STARD13: variants seen among roughly 807,000 people sequenced by gnomAD.
STARD13 encodes the protein stAR-related lipid transfer protein 13.
STARD13 carries 62 observed loss-of-function variants against 106.4 expected under a neutral mutation model. That is an observed-to-expected ratio of 0.58 (90% CI 0.48 to 0.72). The LOEUF (loss-of-function observed/expected upper bound fraction) is 0.72, where lower values mean the gene tolerates loss of function less well. Among genes scored for constraint, STARD13 ranks in the 30% least tolerant of loss-of-function variants. STARD13 has a pLI of 0.00. For synonymous variants in STARD13, 565 were observed against 553.0 expected (o/e 1.02, Z -0.31); for missense variants, 1,387 against 1,424.0 (o/e 0.97, Z 0.42).
At chr13:33,582,329 T>G in the STARD13 span, among the ~76,000 whole-genome samples, 1 of 152,166 alleles carries the variant, frequency 6.6e-6, no homozygotes, top group Non-Finnish European at 1.5e-5. Context: ...CTGACCCCTG[T>G]TCTTACTTTT....
the STARD13 span, among the ~76,000 whole-genome samples, chr13:33,444,359 A>G: frequency 6.6e-6 from 1 of 152,212 alleles, no homozygotes; most frequent in African/African-American, 2.4e-5. Flanking sequence ...TTCTCATGGA[A>G]AAAACATGAC....
the STARD13 span, among the ~76,000 whole-genome samples, chr13:33,460,902 T>C: frequency 4.3e-4 from 66 of 152,350 alleles, no homozygotes; most frequent in African/African-American, 8.7e-4. Flanking sequence ...TACTACTCTG[T>C]AATAAAAAGA....
chr13:33,126,205 G>T lies in STARD13; in HGVS notation c.1958C>A (p.Pro653His). 1 of 1,614,122 alleles carries T rather than the reference G, an allele frequency of 6.2e-7. No homozygotes were observed. Among genetic ancestry groups the T allele is most frequent in the Non-Finnish European group, 8.5e-7 (1 of 1,180,046 alleles). The change falls in exon 7 of 14, where the codon CCC (proline) becomes CAC (histidine). Residue 653 changes from proline (P) to histidine (H), a missense_variant. Transcript: ENST00000336934. ...AAAGACAGCCTTGTCTTTGTAGTCGGGAACTTTCATCCTCTTCATGAACTT... is the reference window on the plus strand; with the variant it reads ...AAAGACAGCCTTGTCTTTGTAGTCGTGAACTTTCATCCTCTTCATGAACTT... ...VPKFMKRMKVPDYKDKAVFGV... is the reference protein window; with the variant it reads ...VPKFMKRMKVHDYKDKAVFGV...
the STARD13 span, among the ~76,000 whole-genome samples, chr13:33,404,914 T>C: frequency 6.6e-6 from 1 of 152,058 alleles, no homozygotes; most frequent in Non-Finnish European, 1.5e-5. Flanking sequence ...GGAGCTGGGA[T>C]TACAGGCATG....
chr13:33,404,233 A>G, the STARD13 span, among the ~76,000 whole-genome samples: 1 of 152,246 alleles, frequency 6.6e-6, no homozygotes, highest in Admixed American at 6.5e-5. Context: ...AAGCAGATTC[A>G]AAGAGGTCAA....
At chr13:33,468,492 T>G in the STARD13 span, among the ~76,000 whole-genome samples, 1 of 152,154 alleles carries the variant, frequency 6.6e-6, no homozygotes, top group African/African-American at 2.4e-5. Context: ...CATGGGTGGA[T>G]GAATGCCATT....
chr13:33,408,725 T>C, the STARD13 span, among the ~76,000 whole-genome samples: 1 of 152,142 alleles, frequency 6.6e-6, no homozygotes, highest in South Asian at 2.1e-4. Flanking sequence ...CCTTGGCTGA[T>C]GTCATCCCAA....
the STARD13 span, among the ~76,000 whole-genome samples, chr13:33,673,841 A>G: frequency 1.3e-5 from 2 of 151,020 alleles, no homozygotes; most frequent in African/African-American, 4.9e-5. Context: ...TAGGCCCAGA[A>G]TTATTAACTC....
At chr13:33,316,697 C>A (rs776923641) in intron 1 of STARD13, among the ~76,000 whole-genome samples, 12 of 152,152 alleles carry the variant, frequency 7.9e-5, no homozygotes, top group Non-Finnish European at 1.3e-4. Flanking sequence ...CAATTATATG[C>A]TTTAATAATA....
At chr13:33,423,176 AG>A in the STARD13 span, among the ~76,000 whole-genome samples, 3 of 152,340 alleles carry the variant, frequency 2.0e-5, no homozygotes, top group African/African-American at 4.8e-5. Context: ...ATGGGAGAAA[AG>A]TTTTGCAATC....
At chr13:33,445,522 G>A in the STARD13 span, among the ~76,000 whole-genome samples, 2 of 151,324 alleles carry the variant, frequency 1.3e-5, no homozygotes, top group Non-Finnish European at 2.9e-5. Flanking sequence ...TTTGTTATAG[G>A]TGAATTATAT....
At chr13:33,496,862 C>T in the STARD13 span, among the ~76,000 whole-genome samples, 1 of 151,994 alleles carries the variant, frequency 6.6e-6, no homozygotes, top group Non-Finnish European at 1.5e-5. Flanking sequence ...TTTTGAAAAT[C>T]TTTATATAGT....
At chr13:33,584,350 G>C in the STARD13 span, among the ~76,000 whole-genome samples, 2 of 152,148 alleles carry the variant, frequency 1.3e-5, no homozygotes, top group African/African-American at 4.8e-5. Flanking sequence ...GGAAGGCAAA[G>C]GAGGTGCCAT....
the STARD13 span, among the ~76,000 whole-genome samples, chr13:33,474,651 G>T: frequency 6.6e-6 from 1 of 152,138 alleles, no homozygotes; most frequent in Non-Finnish European, 1.5e-5. Flanking sequence ...CTTTGAAATT[G>T]GCAGCATACA....
At chr13:33,381,273 C>A in the STARD13 span, among the ~76,000 whole-genome samples, 1 of 151,998 alleles carries the variant, frequency 6.6e-6, no homozygotes, top group African/African-American at 2.4e-5. Context: ...ATTTATTTAA[C>A]CATTGAATTT....
At chr13:33,466,546 C>T in the STARD13 span, among the ~76,000 whole-genome samples, 1 of 152,038 alleles carries the variant, frequency 6.6e-6, no homozygotes, top group Non-Finnish European at 1.5e-5. Flanking sequence ...TGCTAAGCTC[C>T]TAGACAGTAA....
intron 1 of STARD13, among the ~76,000 whole-genome samples, chr13:33,269,505 G>T (rs6561812): frequency 0.27 from 41,243 of 151,982 alleles, 5,909 homozygotes; most frequent in Non-Finnish European, 0.32. Flanking sequence ...GAAGCCTCCA[G>T]CTAGACACCC....
intron 1 of STARD13, among the ~76,000 whole-genome samples, chr13:33,257,878 T>C (rs1197304118): frequency 6.6e-6 from 1 of 152,244 alleles, no homozygotes; most frequent in Non-Finnish European, 1.5e-5. Flanking sequence ...AGATCATCAC[T>C]GTAAATATAT....
the STARD13 span, among the ~76,000 whole-genome samples, chr13:33,527,784 T>A: frequency 6.6e-6 from 1 of 151,904 alleles, no homozygotes; most frequent in South Asian, 2.1e-4. Context: ...CATGCTATTT[T>A]TAAATTTCCT....
Sources: gnomAD v4.1 joint callset for allele counts (sites outside exome capture counted in the v4.1 genomes callset) on GRCh38, gnomAD v4.1.1 for gene constraint, MANE v1.5 for transcripts, NCBI Gene and HGNC (gene_info 2026-07-23, HGNC 2026-07-21) for gene names.